SMG7: variants seen among roughly 807,000 people sequenced by gnomAD.
SMG7 encodes the protein SMG7 nonsense mediated mRNA decay factor, also known as nonsense-mediated mRNA decay factor SMG7.
A neutral mutation model predicts 148.2 loss-of-function variants in SMG7; 34 were observed. The ratio of observed to expected loss-of-function variants is 0.23; its 90% CI spans 0.17 to 0.31. SMG7 has a LOEUF of 0.31. SMG7 is among the 10% of genes least tolerant of loss of function. SMG7 has a pLI of 1.00. For missense variants in SMG7, 1,114 were observed against 1,408.4 expected (o/e 0.79, Z 3.35); for synonymous variants, 492 against 515.1 (o/e 0.96, Z 0.61).
At chr1:183,490,612 A>C (rs950689316) in intron 1 of SMG7, among the ~76,000 whole-genome samples, 2 of 152,220 alleles carry the variant, frequency 1.3e-5, no homozygotes, top group Admixed American at 1.3e-4. Context: ...TCAATATAGA[A>C]TATGCATTTT....
At chr1:183,476,310 G>A (rs1228284156) in intron 1 of SMG7, among the ~76,000 whole-genome samples, 3 of 152,186 alleles carry the variant, frequency 2.0e-5, no homozygotes, top group South Asian at 4.1e-4. Context: ...ACCTTTGTCA[G>A]TGGTGGAAGA....
chr1:183,528,442 T>C (rs1406704940), intron 6 of SMG7, among the ~76,000 whole-genome samples: 4 of 152,178 alleles, frequency 2.6e-5, no homozygotes, highest in Non-Finnish European at 2.9e-5. Flanking sequence ...GTTCTTGAGT[T>C]ACAGAAATTA....
intron 1 of SMG7, among the ~76,000 whole-genome samples, chr1:183,488,897 A>G (rs1163934786): frequency 6.6e-6 from 1 of 151,958 alleles, no homozygotes; most frequent in Non-Finnish European, 1.5e-5. Flanking sequence ...TTGGCCAGGC[A>G]GGTCTCGAAC....
intron 1 of SMG7, among the ~76,000 whole-genome samples, chr1:183,475,649 A>G (rs138395082): frequency 7.2e-4 from 109 of 152,284 alleles, no homozygotes; most frequent in African/African-American, 2.6e-3. Context: ...TTTCCTTACA[A>G]AAGATTCCCT....
intron 2 of SMG7, among the ~76,000 whole-genome samples, chr1:183,514,029 CAAAAAAAAAAAA>C (rs1035651769): frequency 4.8e-5 from 2 of 41,320 alleles, no homozygotes. Flanking sequence ...GACTCCGTCT[CAAAAAAAAAAAA>C]AAAAAAAAAG....
At chr1:183,472,762 T>C in intron 1 of SMG7, 113 bp downstream of exon 1, 1 of 1,002,316 alleles carries the variant, frequency 1.0e-6, no homozygotes, top group South Asian at 2.2e-5. Context: ...CGTCCTCTCC[T>C]CGCCGGGCAG....
rs771841801 is a variant in SMG7 at position 183,526,599 on chromosome 1, T to C, written c.316T>C (p.Leu106=). 62 of 1,594,680 alleles carry C rather than the reference T, an allele frequency of 3.9e-5. 1 individual carries two copies. In the South Asian group the frequency reaches 4.1e-4, roughly 11 times the overall value. ...ATTTTGTTTGTTTTTCTTTTAGTTA[T>C]TACAAGAACTGTGTACAGTATTTAA... The part of the protein sequence containing the change: ...EAASGFYTQL[L]QELCTVFNVD... Residue 106 remains leucine, a synonymous_variant, in exon 5 of 23, where the codon TTA becomes CTA. Coordinates refer to ENST00000688051, the MANE Select transcript of SMG7 (RefSeq NM_001375584.1).
At chr1:183,522,492 A>T (rs939137752) in intron 4 of SMG7, among the ~76,000 whole-genome samples, 7 of 152,228 alleles carry the variant, frequency 4.6e-5, no homozygotes, top group African/African-American at 1.7e-4. Flanking sequence ...TCATTGGTGA[A>T]CTTAATGAAT....
chr1:183,503,675 A>C (rs980765979), intron 1 of SMG7, among the ~76,000 whole-genome samples: 1 of 152,210 alleles, frequency 6.6e-6, no homozygotes, highest in Non-Finnish European at 1.5e-5. Context: ...GTCAGTAACC[A>C]GATTAGCAAA....
At position 183,533,712 on chromosome 1, in the gene SMG7, A is replaced by G. The variant is rs1238942589; in HGVS notation, c.1043A>G (p.Gln348Arg). 6.2e-7 allele frequency: 1 copy of G among 1,613,644 alleles called. No individual in the cohort carries two copies. Among genetic ancestry groups the G allele is most frequent in the Non-Finnish European group, 8.5e-7 (1 of 1,179,712 alleles). ...FLGILCKCPL[Q>R]NESQEESYNA... ...GGCATCCTGTGCAAGTGTCCTCTAC[A>G]GAATGAGTCTCAGGAGGAGTCCTAC... The change falls in exon 10 of 23, where the codon CAG (glutamine) becomes CGG (arginine). Residue 348 changes from glutamine to arginine, a missense_variant. Physicochemically the swap from Gln to Arg is conservative, Grantham distance 43. Transcript: ENST00000688051.
intron 6 of SMG7, 77 bp downstream of exon 6, chr1:183,528,104 A>G (rs1442517030): frequency 9.6e-7 from 1 of 1,041,624 alleles, no homozygotes; most frequent in Non-Finnish European, 1.4e-6. Flanking sequence ...CTCAGGGCTC[A>G]CCTTTGAAGT....
At chr1:183,530,095 G>C (rs1264787770) in intron 8 of SMG7, among the ~76,000 whole-genome samples, 2 of 152,110 alleles carry the variant, frequency 1.3e-5, no homozygotes, top group African/African-American at 4.8e-5. Flanking sequence ...ATAAAATAAG[G>C]AGAAAGTCAA....
intron 1 of SMG7, chr1:183,502,304 T>A: frequency 6.5e-7 from 1 of 1,534,618 alleles, no homozygotes; most frequent in Non-Finnish European, 8.7e-7. Flanking sequence ...TTGCAGATAG[T>A]CATTGTGGGA....
At chr1:183,520,339 G>A (rs897132507) in intron 4 of SMG7, among the ~76,000 whole-genome samples, 2 of 152,086 alleles carry the variant, frequency 1.3e-5, no homozygotes, top group African/African-American at 4.8e-5. Context: ...AGTAGTCTCA[G>A]TTCAGTGGGA....
At chr1:183,517,604 G>T in intron 3 of SMG7, 84 bp from the exon 4 acceptor site, 1 of 1,252,374 alleles carries the variant, frequency 8.0e-7, no homozygotes, top group South Asian at 1.2e-5. Context: ...AATTATAACA[G>T]ACAGTTCTTT....
intron 15 of SMG7, 40 bp from the exon 16 acceptor site, chr1:183,544,890 T>C (rs1669635332): frequency 1.3e-6 from 2 of 1,574,666 alleles, no homozygotes; most frequent in Middle Eastern, 3.4e-4. Flanking sequence ...AATTTTTTGC[T>C]GTTTCCTTAA....
At chr1:183,521,440 C>T (rs746719391) in intron 4 of SMG7, among the ~76,000 whole-genome samples, 2 of 152,104 alleles carry the variant, frequency 1.3e-5, no homozygotes, top group African/African-American at 4.8e-5. Flanking sequence ...ATAATTGAAA[C>T]GGATAATGGT....
intron 8 of SMG7, among the ~76,000 whole-genome samples, chr1:183,532,450 C>CT (rs1482130544): frequency 6.6e-6 from 1 of 152,154 alleles, no homozygotes; most frequent in African/African-American, 2.4e-5. Flanking sequence ...CTGAGAGCAT[C>CT]TGGGTGATTT....
intron 1 of SMG7, among the ~76,000 whole-genome samples, chr1:183,494,460 T>C (rs1162493252): frequency 6.6e-6 from 1 of 151,280 alleles, no homozygotes; most frequent in Non-Finnish European, 1.5e-5. Flanking sequence ...ATATTTACTA[T>C]TTCTGGCACT....
Sources: allele counts gnomAD v4.1 joint callset (sites outside exome capture counted in the v4.1 genomes callset), GRCh38; gene constraint gnomAD v4.1.1; transcripts MANE v1.5; gene names NCBI Gene and HGNC (gene_info 2026-07-23, HGNC 2026-07-21).